Variants in ATP8B1 observed in about 807,000 individuals in gnomAD.
The protein encoded by ATP8B1 is phospholipid-transporting ATPase IC.
ATP8B1 carries 80 observed loss-of-function variants against 149.9 expected under a neutral mutation model. That is an observed-to-expected ratio of 0.53 (90% confidence interval 0.45 to 0.64). The LOEUF is 0.64. Among genes scored for constraint, ATP8B1 ranks in the 30% least tolerant of loss-of-function variants. ATP8B1 has a pLI of 0.00. For missense variants in ATP8B1, 1,247 were observed against 1,552.6 expected (o/e 0.80, Z 3.31); for synonymous variants, 536 against 562.8 (o/e 0.95, Z 0.67).
At chr18:57,752,497 C>T (rs1039378331) in intron 1 of ATP8B1, among the ~76,000 whole-genome samples, 3 of 152,232 alleles carry the variant, frequency 2.0e-5, no homozygotes, top group Admixed American at 6.5e-5. Flanking sequence ...ATGTAAAGCC[C>T]TTAGTAGCAT....
intron 5 of ATP8B1, 45 bp from the exon 6 acceptor site, chr18:57,701,145 G>C (rs770934307): frequency 6.2e-7 from 1 of 1,612,042 alleles, no homozygotes; most frequent in Non-Finnish European, 8.5e-7. Context: ...CATCTCAATA[G>C]AGAAGGAAGG....
Position 57,654,004 on chromosome 18 carries a change from C to G in ATP8B1, c.3003G>C (p.Gly1001=), listed in dbSNP as rs745784605. ...LYTSLPVLLM[G]LLDQDVSDKL... Reference sequence around the variant, plus strand: ...GCGAGGCTCCTACCTGGTCGAGCAGCCCCATGAGGAGCACGGGCAGGCTGG... The same window carrying G: ...GCGAGGCTCCTACCTGGTCGAGCAGGCCCATGAGGAGCACGGGCAGGCTGG... The change falls in exon 24 of 28, where the codon GGG becomes GGC. Residue 1001 remains glycine (G), a synonymous_variant. Transcript: ENST00000648908. 4 of 1,613,754 alleles carry G rather than the reference C, an allele frequency of 2.5e-6. No individual in the cohort carries two copies. Among genetic ancestry groups the G allele is most frequent in the Middle Eastern group, 1.6e-4 (1 of 6,062 alleles).
rs117921151 is a variant in ATP8B1 at position 57,656,048 on chromosome 18, T to C, written c.2708-631A>G. Among the ~76,000 whole-genome samples, 18 of 152,296 alleles carry C rather than the reference T, an allele frequency of 1.2e-4. No homozygotes were observed. The East Asian group carries it at 3.5e-3, about 29-fold the overall frequency. On this transcript the variant is annotated intron_variant, in intron 22 of 27. Transcript: ENST00000648908. ...TATCTACTTTCCAGCTACCTGGATG[T>C]TGACAGGCAACTATAAAGGCTTCTT...
intron 6 of ATP8B1, among the ~76,000 whole-genome samples, chr18:57,699,722 A>G (rs1254543434): frequency 1.9e-5 from 2 of 102,594 alleles, no homozygotes; most frequent in Admixed American, 2.3e-4. Flanking sequence ...CTCCGTCTCA[A>G]AAAAATAAAA....
chr18:57,744,989 A>G (rs1385048033), intron 1 of ATP8B1, among the ~76,000 whole-genome samples: 1 of 152,246 alleles, frequency 6.6e-6, no homozygotes, highest in Non-Finnish European at 1.5e-5. Flanking sequence ...ACATAAAATG[A>G]TACAATAAAA....
chr18:57,682,723 C>T (rs1912041742), intron 15 of ATP8B1, among the ~76,000 whole-genome samples: 1 of 152,170 alleles, frequency 6.6e-6, no homozygotes, highest in Admixed American at 6.5e-5. Flanking sequence ...TTCCATGTAT[C>T]CACCCTAATC....
chr18:57,717,789 G>A (rs2079598280), intron 2 of ATP8B1, among the ~76,000 whole-genome samples: 1 of 151,080 alleles, frequency 6.6e-6, no homozygotes, highest in African/African-American at 2.4e-5. Flanking sequence ...AGGCTGGAGT[G>A]CAGTGGTGCG....
At chr18:57,725,476 A>G (rs1402746056) in intron 2 of ATP8B1, among the ~76,000 whole-genome samples, 1 of 152,210 alleles carries the variant, frequency 6.6e-6, no homozygotes, top group Non-Finnish European at 1.5e-5. Context: ...TACAGATTCA[A>G]TGCAATCTCT....
At chr18:57,741,385 A>T (rs909104604) in intron 1 of ATP8B1, among the ~76,000 whole-genome samples, 1 of 152,198 alleles carries the variant, frequency 6.6e-6, no homozygotes, top group Non-Finnish European at 1.5e-5. Context: ...AGAGGCTCAC[A>T]TGGCAAGATG....
intron 1 of ATP8B1, among the ~76,000 whole-genome samples, chr18:57,793,587 C>T (rs2080483702): frequency 6.6e-6 from 1 of 152,074 alleles, no homozygotes; most frequent in Non-Finnish European, 1.5e-5. Flanking sequence ...TTCCTCTCTG[C>T]CCTTACCTCC....
chr18:57,767,741 A>G (rs2080225913), intron 1 of ATP8B1, among the ~76,000 whole-genome samples: 1 of 151,870 alleles, frequency 6.6e-6, no homozygotes, highest in Non-Finnish European at 1.5e-5. Flanking sequence ...GTGAGCCAAG[A>G]TCGTGCCATT....
chr18:57,658,654 TGTGTGTGTGTGTG>T (rs952894304), intron 22 of ATP8B1, among the ~76,000 whole-genome samples: 8 of 149,300 alleles, frequency 5.4e-5, no homozygotes, highest in South Asian at 4.3e-4. Context: ...TGTGTGTGTG[TGTGTGTGTGTGTG>T]TTCTTTTTTG....
chr18:57,680,230 T>C (rs1395571881), intron 15 of ATP8B1, among the ~76,000 whole-genome samples: 11 of 127,348 alleles, frequency 8.6e-5, no homozygotes, highest in African/African-American at 2.7e-4. Flanking sequence ...TGAGCCAAGA[T>C]TGCGGCACTG....
intron 1 of ATP8B1, among the ~76,000 whole-genome samples, chr18:57,776,943 T>C (rs2080310341): frequency 6.6e-6 from 1 of 152,028 alleles, no homozygotes; most frequent in African/African-American, 2.4e-5. Flanking sequence ...CCGATCGTTA[T>C]GCAATCTGTT....
intron 1 of ATP8B1, among the ~76,000 whole-genome samples, chr18:57,734,907 G>C (rs1032477497): frequency 5.3e-5 from 8 of 152,210 alleles, no homozygotes; most frequent in African/African-American, 1.9e-4. Context: ...CCTTTAAACA[G>C]GAGGCTTGCA....
Position 57,688,428 on chromosome 18 carries a change from C to T in ATP8B1, c.1300G>A (p.Ala434Thr), listed in dbSNP as rs758746529. The stretch of plus-strand genomic sequence containing the variant: ...TTGAGTGTGGTGGTTCTAGCTTTTG[C>T]GGGTGTGTCCTTCTCAGCATAGTAC... ...QMYYAEKDTP[A>T]KARTTTLNEQ... The change falls in exon 13 of 28, where the codon GCA becomes ACA. Residue 434 changes from alanine to threonine, a missense_variant. Transcript: ENST00000648908. 12 of 1,613,994 alleles carry T rather than the reference C, an allele frequency of 7.4e-6. No homozygotes were observed. Among genetic ancestry groups the T allele is most frequent in the Admixed American group, 5.0e-5 (3 of 59,986 alleles).
Position 57,661,777 on chromosome 18 carries a change from C to T in ATP8B1, c.2419-315G>A, listed in dbSNP as rs185252644. ...GTTGCCAGGCTGGAATGCAGTGGCA[C>T]GATCTCGGCTCACTGTAACCTCTGC... On this transcript the variant is annotated intron_variant, in intron 21 of 27. Coordinates refer to ENST00000648908, the MANE Select transcript of ATP8B1 (RefSeq NM_001374385.1). Among the ~76,000 whole-genome samples, 600 of 146,058 alleles carry T rather than the reference C, an allele frequency of 4.1e-3. 15 individuals carry two copies. The highest frequency in any genetic ancestry group is 0.037 in the Admixed American group (536 of 14,472).
chr18:57,696,990 G>T (rs1253465230), intron 8 of ATP8B1, among the ~76,000 whole-genome samples: 1 of 152,192 alleles, frequency 6.6e-6, no homozygotes. Flanking sequence ...GCCAGCTGCT[G>T]TGGCTCACCC....
At chr18:57,753,931 C>CAAAAAAAAAAAAAAAAAAA (rs1218057370) in intron 1 of ATP8B1, among the ~76,000 whole-genome samples, 2 of 70,980 alleles carry the variant, frequency 2.8e-5, no homozygotes, top group African/African-American at 6.0e-5. Context: ...GACTCTGTCT[C>CAAAAAAAAAAAAAAAAAAA]AAAAAAAAAA....
Sources: gnomAD v4.1 joint callset for allele counts (sites outside exome capture counted in the v4.1 genomes callset) on GRCh38, gnomAD v4.1.1 for gene constraint, MANE v1.5 for transcripts, NCBI Gene and HGNC (gene_info 2026-07-23, HGNC 2026-07-21) for gene names.